PTPRT: variants seen among roughly 807,000 people sequenced by gnomAD.
PTPRT encodes protein tyrosine phosphatase receptor type T, also known as receptor-type tyrosine-protein phosphatase T.
In PTPRT, 56 loss-of-function variants were observed where a neutral mutation model predicts 176.8. The observed-to-expected ratio is 0.32, with a 90% confidence interval of 0.26 to 0.40. PTPRT has a LOEUF of 0.40. Among genes scored for constraint, PTPRT ranks in the 10% least tolerant of loss-of-function variants. The pLI is 1.00. For missense variants in PTPRT, 1,540 were observed against 1,908.2 expected, an observed-to-expected ratio of 0.81 and a Z score of 3.60; for synonymous variants, 783 against 739.0, an observed-to-expected ratio of 1.06 and a Z score of -0.96.
rs183703678 is a variant in PTPRT, at chr20:42,522,654, G to A, written c.1154-50092C>T. Among the ~76,000 whole-genome samples the A allele has an allele frequency of 2.0e-3, 306 of 152,174 alleles. 2 individuals carry two copies. The highest frequency in any genetic ancestry group is 7.2e-3 in the African/African-American group (298 of 41,516). On this transcript the variant is annotated intron_variant, in intron 7 of 30. Coordinates refer to ENST00000373187, the MANE Select transcript of PTPRT (RefSeq NM_007050.6). Reference sequence around the variant, plus strand: ...TTTTTCTACTTTTTGTAGAGATGGGGTTTCACCATGTTGGTCAGTCTGGTC... The same window carrying A: ...TTTTTCTACTTTTTGTAGAGATGGGATTTCACCATGTTGGTCAGTCTGGTC...
intron 7 of PTPRT, among the ~76,000 whole-genome samples, chr20:42,601,709 CATT>C (rs1396534326): frequency 6.6e-6 from 1 of 152,144 alleles, no homozygotes; most frequent in Non-Finnish European, 1.5e-5. Flanking sequence ...ATCAATAAAT[CATT>C]ACTAAATTAA....
intron 18 of PTPRT, among the ~76,000 whole-genome samples, chr20:42,138,064 T>C (rs1289063876): frequency 6.6e-6 from 1 of 152,240 alleles, no homozygotes; most frequent in Non-Finnish European, 1.5e-5. Context: ...CCTAGAGGGC[T>C]TCTAGAAATA....
chr20:42,760,489 A>G (rs2076900006), intron 5 of PTPRT, among the ~76,000 whole-genome samples: 1 of 146,934 alleles, frequency 6.8e-6, no homozygotes, highest in South Asian at 2.1e-4. Flanking sequence ...ACTGCTTCCT[A>G]TGAAATGTCA....
At chr20:43,041,322 T>A (rs1475936723) in intron 1 of PTPRT, among the ~76,000 whole-genome samples, 1 of 152,240 alleles carries the variant, frequency 6.6e-6, no homozygotes, top group Non-Finnish European at 1.5e-5. Context: ...CAAATTTTCT[T>A]TTAAAACTAC....
At chr20:42,482,368 T>C (rs905731050) in intron 7 of PTPRT, among the ~76,000 whole-genome samples, 1 of 152,158 alleles carries the variant, frequency 6.6e-6, no homozygotes, top group Non-Finnish European at 1.5e-5. Flanking sequence ...TTGGTCCTCC[T>C]ACCATCCCTA....
At chr20:43,083,369 T>TATATATAA (rs1568774368) in intron 1 of PTPRT, among the ~76,000 whole-genome samples, 2 of 110,226 alleles carry the variant, frequency 1.8e-5, no homozygotes, top group African/African-American at 8.1e-5. Flanking sequence ...TATATATATA[T>TATATATAA]ACATTTTTTG....
At chr20:43,031,914 C>A (rs1239073158) in intron 1 of PTPRT, among the ~76,000 whole-genome samples, 2 of 152,158 alleles carry the variant, frequency 1.3e-5, no homozygotes, top group Admixed American at 6.5e-5. Context: ...TACTCCCCAA[C>A]CACAAAGCCT....
chr20:42,161,569 T>A (rs202207412), intron 16 of PTPRT, 27 bp from the exon 17 acceptor site: 1 of 1,570,074 alleles, frequency 6.4e-7, no homozygotes, highest in African/African-American at 1.4e-5. Context: ...GCAGAACAGA[T>A]CATCACCTAT....
chr20:42,550,734 A>G (rs1297299375), intron 7 of PTPRT, among the ~76,000 whole-genome samples: 1 of 152,152 alleles, frequency 6.6e-6, no homozygotes, highest in Non-Finnish European at 1.5e-5. Context: ...GTGGAAAAAA[A>G]GAGAAAACCC....
chr20:42,213,070 C>G (rs1044859021), intron 15 of PTPRT, among the ~76,000 whole-genome samples: 2 of 152,168 alleles, frequency 1.3e-5, no homozygotes, highest in Non-Finnish European at 2.9e-5. Context: ...CGATGCGGAA[C>G]AGCTGTTCTC....
chr20:43,115,025 T>A (rs961552520), intron 1 of PTPRT, among the ~76,000 whole-genome samples: 2 of 152,142 alleles, frequency 1.3e-5, no homozygotes, highest in Admixed American at 6.5e-5. Context: ...GTGTGCTCAG[T>A]GGGTTACATG....
intron 1 of PTPRT, among the ~76,000 whole-genome samples, chr20:43,000,253 G>A (rs985652557): frequency 6.6e-6 from 1 of 152,068 alleles, no homozygotes; most frequent in Admixed American, 6.6e-5. Flanking sequence ...ATTCGATGGT[G>A]CCAAGGAAAA....
At chr20:42,671,939 TCTG>T (rs1287422546) in intron 7 of PTPRT, among the ~76,000 whole-genome samples, 1 of 152,246 alleles carries the variant, frequency 6.6e-6, no homozygotes. Flanking sequence ...GAGGCAGTTA[TCTG>T]CTGATCTCTC....
chr20:42,313,698 G>A (rs1253560898), intron 12 of PTPRT, among the ~76,000 whole-genome samples: 1 of 152,138 alleles, frequency 6.6e-6, no homozygotes, highest in Non-Finnish European at 1.5e-5. Flanking sequence ...GCCAGTGTGG[G>A]ATGCCGAGAA....
At chr20:42,209,474 A>G (rs6016721) in intron 15 of PTPRT, among the ~76,000 whole-genome samples, 151,430 of 152,112 alleles carry the variant, frequency 1, 75,381 homozygotes, top group East Asian at 1. Context: ...TATCACCACC[A>G]ATCCCACAGA....
intron 1 of PTPRT, among the ~76,000 whole-genome samples, chr20:43,043,334 T>C (rs1329716987): frequency 1.3e-5 from 2 of 151,478 alleles, no homozygotes; most frequent in South Asian, 2.1e-4. Context: ...AAGAGCTCCA[T>C]ATCCTGAGAA....
chr20:42,610,389 T>G (rs930728320), intron 7 of PTPRT, among the ~76,000 whole-genome samples: 33 of 149,382 alleles, frequency 2.2e-4, no homozygotes, highest in South Asian at 6.3e-4. Flanking sequence ...GTTTTTTTTT[T>G]TTGTTTTTTT....
At chr20:42,762,909 C>T (rs988268987) in intron 5 of PTPRT, among the ~76,000 whole-genome samples, 7 of 152,204 alleles carry the variant, frequency 4.6e-5, no homozygotes, top group African/African-American at 1.7e-4. Context: ...TCTTTAAAAA[C>T]AACTCAAATT....
intron 1 of PTPRT, among the ~76,000 whole-genome samples, chr20:43,082,813 G>A (rs1401164770): frequency 6.6e-6 from 1 of 151,910 alleles, no homozygotes; most frequent in Admixed American, 6.6e-5. Context: ...CCTCTCTCAG[G>A]AAACAACTAT....
Sources: allele counts gnomAD v4.1 joint callset (sites outside exome capture counted in the v4.1 genomes callset), GRCh38; gene constraint gnomAD v4.1.1; transcripts MANE v1.5; gene names NCBI Gene and HGNC (gene_info 2026-07-23, HGNC 2026-07-21).